Variants in PRKG1 observed in about 807,000 individuals in gnomAD.
PRKG1 encodes the protein protein kinase cGMP-dependent 1, also known as cGMP-dependent protein kinase 1.
A neutral mutation model predicts 88.1 loss-of-function variants in PRKG1; 35 were observed. The observed-to-expected ratio is 0.40, with a 90% CI of 0.30 to 0.53. PRKG1 has a LOEUF of 0.53. Among genes scored for constraint, PRKG1 ranks in the 20% least tolerant of loss-of-function variants. The probability of loss-of-function intolerance (pLI) is 0.59; values close to 1 mark genes in which losing one functional copy is unlikely to be tolerated. For synonymous variants in PRKG1, 303 were observed against 292.5 expected (o/e 1.04, Z -0.37); for missense variants, 540 against 839.8 (o/e 0.64, Z 4.41).
At chr10:51,958,914 G>A (rs1480061295) in intron 5 of PRKG1, among the ~76,000 whole-genome samples, 1 of 152,118 alleles carries the variant, frequency 6.6e-6, no homozygotes, top group East Asian at 1.9e-4. Flanking sequence ...AGATGACTAT[G>A]TTAAAACCTA....
chr10:51,406,357 A>T (rs1434042358), intron 2 of PRKG1, among the ~76,000 whole-genome samples: 1 of 152,164 alleles, frequency 6.6e-6, no homozygotes, highest in Non-Finnish European at 1.5e-5. Context: ...TCTTCATGGC[A>T]TACCGTCTTC....
At chr10:51,368,195 A>G (rs1346625079) in intron 2 of PRKG1, among the ~76,000 whole-genome samples, 1 of 152,024 alleles carries the variant, frequency 6.6e-6, no homozygotes, top group East Asian at 1.9e-4. Flanking sequence ...GTATTTCCTT[A>G]CCTATTGCAA....
At chr10:52,172,048 C>A (rs893479006) in intron 9 of PRKG1, among the ~76,000 whole-genome samples, 1 of 151,372 alleles carries the variant, frequency 6.6e-6, no homozygotes, top group Non-Finnish European at 1.5e-5. Context: ...ATGATCCACC[C>A]GCCTCGGCCT....
chr10:51,485,040 G>A (rs1840489143), intron 3 of PRKG1, among the ~76,000 whole-genome samples: 1 of 152,146 alleles, frequency 6.6e-6, no homozygotes, highest in Admixed American at 6.6e-5. Flanking sequence ...GCTGTTCCAG[G>A]TTGTTAAGGA....
At chr10:51,998,397 G>C (rs1156617129) in intron 5 of PRKG1, among the ~76,000 whole-genome samples, 1 of 152,050 alleles carries the variant, frequency 6.6e-6, no homozygotes, top group Non-Finnish European at 1.5e-5. Context: ...CCCCTAGGCT[G>C]AAACACTCTA....
chr10:51,511,929 T>C (rs1841424033), intron 3 of PRKG1, among the ~76,000 whole-genome samples: 1 of 152,202 alleles, frequency 6.6e-6, no homozygotes, highest in African/African-American at 2.4e-5. Context: ...ATTCATACAC[T>C]GAAATACTGC....
intron 3 of PRKG1, among the ~76,000 whole-genome samples, chr10:51,632,021 A>C (rs1839538886): frequency 6.6e-6 from 1 of 152,104 alleles, no homozygotes; most frequent in African/African-American, 2.4e-5. Context: ...CGGCTGGTGA[A>C]CCACATGCAG....
chr10:52,039,804 G>GA (rs34496427), intron 5 of PRKG1, among the ~76,000 whole-genome samples: 6 of 152,058 alleles, frequency 3.9e-5, no homozygotes, highest in East Asian at 1.9e-4. Context: ...ACTTTCTGGG[G>GA]AAAAAAATCC....
intron 7 of PRKG1, among the ~76,000 whole-genome samples, chr10:52,094,954 T>C (rs866022241): frequency 6.6e-6 from 1 of 152,198 alleles, no homozygotes; most frequent in African/African-American, 2.4e-5. Context: ...TGTTTTCTTG[T>C]AGGGTTCAAA....
At position 51,074,574 on chromosome 10, in the gene PRKG1, C is replaced by T. The variant is rs1282025665; in HGVS notation, c.-17C>T. 8.8e-6 allele frequency: 14 copies of T among 1,597,632 alleles called. No homozygotes were observed. The South Asian group carries it at 1.2e-4, about 14-fold the overall frequency. ...CGGAGCAGCGGCAGGAAGGAGCCCC[C>T]GGCAGCCCGGAGGAGCATGGGCACC... On this transcript the variant is annotated 5_prime_UTR_variant, in exon 1 of 18. Coordinates refer to ENST00000373980, the MANE Select transcript of PRKG1 (RefSeq NM_006258.4).
chr10:51,282,900 T>G (rs1840337861), intron 2 of PRKG1, among the ~76,000 whole-genome samples: 1 of 152,198 alleles, frequency 6.6e-6, no homozygotes, highest in South Asian at 2.1e-4. Flanking sequence ...GCAGGTTTGT[T>G]ACATGGGTAT....
intron 3 of PRKG1, among the ~76,000 whole-genome samples, chr10:51,500,741 T>C (rs996949246): frequency 6.6e-6 from 1 of 152,198 alleles, no homozygotes; most frequent in Non-Finnish European, 1.5e-5. Context: ...GCTCACTTCA[T>C]GTGGTCCTGG....
At position 50,991,199 on chromosome 10, in the gene PRKG1, G is replaced by A; in HGVS notation, c.-180G>A. 1.2e-6 allele frequency: 1 copy of A among 841,486 alleles called. No homozygotes were observed. Among genetic ancestry groups the A allele is most frequent in the South Asian group, 1.9e-5 (1 of 51,826 alleles). The allele number at this position is 841,486 out of a possible 1,614,324, so 52.1% of individuals were successfully genotyped here. Reference sequence around the variant, plus strand: ...GCTTTTAGTCCATTCAGCAGAAGCGGATCGAAGCAGGAGGCTCCCCGCGCC... The same window carrying A: ...GCTTTTAGTCCATTCAGCAGAAGCGAATCGAAGCAGGAGGCTCCCCGCGCC... On this transcript the variant is annotated 5_prime_UTR_variant, in exon 1 of 18. Coordinates refer to the PRKG1 transcript ENST00000401604. The surrounding 1 kb of genome is among the most constrained non-coding windows in gnomAD (Gnocchi z 4.5).
At chr10:52,068,250 A>G (rs187136102) in intron 7 of PRKG1, among the ~76,000 whole-genome samples, 13 of 151,542 alleles carry the variant, frequency 8.6e-5, no homozygotes, top group Non-Finnish European at 1.6e-4. Flanking sequence ...ACTTGAAACC[A>G]TATGGAATAC....
intron 3 of PRKG1, among the ~76,000 whole-genome samples, chr10:51,474,374 T>C (rs958326514): frequency 1.3e-5 from 2 of 152,014 alleles, no homozygotes; most frequent in Admixed American, 1.3e-4. Context: ...CACAAAAACT[T>C]ATACAGCATG....
At chr10:51,053,694 G>A (rs1394283558) in intron 1 of PRKG1, among the ~76,000 whole-genome samples, 3 of 151,692 alleles carry the variant, frequency 2.0e-5, no homozygotes, top group Admixed American at 6.6e-5. Context: ...GCAATTTATC[G>A]AAAAGATTAA....
intron 3 of PRKG1, among the ~76,000 whole-genome samples, chr10:51,712,735 G>A (rs373565433): frequency 2.0e-5 from 3 of 151,472 alleles, no homozygotes; most frequent in Non-Finnish European, 2.9e-5. Flanking sequence ...GACTATAGGC[G>A]CCCGCCACCA....
In PRKG1 at chr10:51,570,049, GTATATA is replaced by G. The variant is rs10617123; in HGVS notation, c.592+102227_592+102232del. 7.0e-5 allele frequency among the ~76,000 whole-genome samples: 9 copies of G among 128,794 alleles called. 1 individual carries two copies. The highest frequency in any genetic ancestry group is 2.8e-4 in the African/African-American group (8 of 28,844). The allele number at this position is 128,794 out of a possible 152,430, so 84.5% of individuals were successfully genotyped here. ...AATTCTGATACAATCACCCAAACTA[GTATATA>G]TATATATATATATGTGTGTGTGTGT... On this transcript the variant is annotated intron_variant, in intron 3 of 17. Coordinates refer to ENST00000373980, the MANE Select transcript of PRKG1 (RefSeq NM_006258.4).
chr10:51,754,659 C>T (rs1837811249), intron 3 of PRKG1, among the ~76,000 whole-genome samples: 1 of 152,190 alleles, frequency 6.6e-6, no homozygotes, highest in African/African-American at 2.4e-5. Flanking sequence ...CCCAGACTTA[C>T]AGAATTAACA....
Sources: gnomAD v4.1 joint callset for allele counts (sites outside exome capture counted in the v4.1 genomes callset) on GRCh38, gnomAD v4.1.1 for gene constraint, Gnocchi (gnomAD v3.1) non-coding constraint, MANE v1.5 for transcripts, NCBI Gene and HGNC (gene_info 2026-07-23, HGNC 2026-07-21) for gene names.